Variants in ROBO2 observed in about 807,000 individuals in gnomAD.
ROBO2 encodes the protein roundabout guidance receptor 2.
Under a neutral mutation model 160.8 loss-of-function variants are expected in ROBO2, and 53 were observed. That is an observed-to-expected ratio of 0.33 (90% CI 0.26 to 0.41). The LOEUF (loss-of-function observed/expected upper bound fraction) is 0.41, where lower values mean the gene tolerates loss of function less well. ROBO2 is among the 10% of genes least tolerant of loss of function. ROBO2 has a pLI of 1.00. For synonymous variants in ROBO2, 664 were observed against 611.7 expected (o/e 1.09, Z -1.26); for missense variants, 1,577 against 1,722.4 (o/e 0.92, Z 1.49).
At chr3:76,165,121 C>T (rs1439365442) in intron 2 of ROBO2, among the ~76,000 whole-genome samples, 1 of 152,144 alleles carries the variant, frequency 6.6e-6, no homozygotes, top group African/African-American at 2.4e-5. Flanking sequence ...TGACTTTTCT[C>T]TATCTATGAA....
At chr3:76,168,959 T>C (rs2072935008) in intron 2 of ROBO2, among the ~76,000 whole-genome samples, 1 of 151,902 alleles carries the variant, frequency 6.6e-6, no homozygotes, top group Admixed American at 6.6e-5. Context: ...TTTATTTTCA[T>C]TGATTTCCTA....
At chr3:76,447,614 T>G (rs1013349001) in intron 2 of ROBO2, among the ~76,000 whole-genome samples, 2 of 150,106 alleles carry the variant, frequency 1.3e-5, no homozygotes, top group African/African-American at 4.9e-5. Context: ...GCGGCACTAT[T>G]CACAATAGCA....
At chr3:76,840,695 TATC>T (rs1368812657) in intron 2 of ROBO2, among the ~76,000 whole-genome samples, 1 of 147,830 alleles carries the variant, frequency 6.8e-6, no homozygotes, top group Non-Finnish European at 1.5e-5. Flanking sequence ...AAGAATATGT[TATC>T]ATGCAGAATT....
At chr3:77,353,022 C>G (rs969061687) in intron 2 of ROBO2, among the ~76,000 whole-genome samples, 9 of 152,122 alleles carry the variant, frequency 5.9e-5, no homozygotes, top group African/African-American at 2.2e-4. Context: ...ACAACTTATC[C>G]ACAGAATTAT....
At chr3:76,323,173 A>ACACC (rs1553705994) in intron 2 of ROBO2, among the ~76,000 whole-genome samples, 2 of 150,972 alleles carry the variant, frequency 1.3e-5, no homozygotes, top group African/African-American at 2.4e-5. Context: ...ACACACACAC[A>ACACC]CACCCCTAAA....
chr3:77,092,767 C>T (rs2070483846), intron 1 of ROBO2, among the ~76,000 whole-genome samples: 1 of 150,042 alleles, frequency 6.7e-6, no homozygotes, highest in Non-Finnish European at 1.5e-5. Flanking sequence ...TAGTTATTTT[C>T]ATACATCGCT....
intron 2 of ROBO2, among the ~76,000 whole-genome samples, chr3:76,353,580 C>T (rs2074998772): frequency 6.6e-6 from 1 of 151,814 alleles, no homozygotes; most frequent in Non-Finnish European, 1.5e-5. Flanking sequence ...AAAATTTAGG[C>T]AGACATCAAT....
intron 2 of ROBO2, among the ~76,000 whole-genome samples, chr3:76,798,323 G>T (rs145225960): frequency 8.4e-6 from 1 of 119,708 alleles, no homozygotes; most frequent in East Asian, 2.7e-4. Context: ...AAAAAAGAAC[G>T]AATGAACTAA....
chr3:77,312,578 T>C (rs1238575720), intron 2 of ROBO2, among the ~76,000 whole-genome samples: 1 of 152,228 alleles, frequency 6.6e-6, no homozygotes, highest in African/African-American at 2.4e-5. Flanking sequence ...GAAACCTATA[T>C]ATTTTTAAAT....
intron 2 of ROBO2, among the ~76,000 whole-genome samples, chr3:77,167,719 C>G (rs1560150653): frequency 6.6e-6 from 1 of 152,066 alleles, no homozygotes; most frequent in Non-Finnish European, 1.5e-5. Context: ...TACATTAGTA[C>G]TGTTACAAAG....
intron 5 of ROBO2, among the ~76,000 whole-genome samples, chr3:77,519,544 G>A (rs2090373812): frequency 1.3e-5 from 2 of 151,162 alleles, no homozygotes; most frequent in South Asian, 4.2e-4. Context: ...AGTGTCTATT[G>A]TTTCCATCTT....
intron 2 of ROBO2, among the ~76,000 whole-genome samples, chr3:76,637,032 C>T: frequency 6.6e-6 from 1 of 151,942 alleles, no homozygotes; most frequent in East Asian, 1.9e-4. Context: ...ACTGAGCAAG[C>T]AGCAAGGAAT....
At chr3:77,156,119 A>G (rs2077986213) in intron 2 of ROBO2, among the ~76,000 whole-genome samples, 1 of 151,874 alleles carries the variant, frequency 6.6e-6, no homozygotes, top group Non-Finnish European at 1.5e-5. Flanking sequence ...AAATTTCTTC[A>G]TCTCAACATC....
At chr3:76,842,948 ATTACAAG>A (rs140833942) in intron 2 of ROBO2, among the ~76,000 whole-genome samples, 15,729 of 152,008 alleles carry the variant, frequency 0.1, 877 homozygotes, top group South Asian at 0.12. Flanking sequence ...TAGTTATTTT[ATTACAAG>A]CCTTCTCATT....
intron 2 of ROBO2, among the ~76,000 whole-genome samples, chr3:76,204,015 C>A (rs538772417): frequency 1.3e-5 from 2 of 152,178 alleles, no homozygotes; most frequent in South Asian, 2.1e-4. Context: ...ATAAATTCTC[C>A]TCAGATTACC....
intron 2 of ROBO2, among the ~76,000 whole-genome samples, chr3:76,767,742 T>TAGTG (rs2061653394): frequency 1.3e-5 from 2 of 151,538 alleles, no homozygotes; most frequent in African/African-American, 2.4e-5. Flanking sequence ...ACATATTGTA[T>TAGTG]AGTGAGTACA....
In ROBO2 at chr3:77,141,475, G is replaced by A. The variant is rs576142615; in HGVS notation, c.388+43135G>A. On this transcript the variant is annotated intron_variant, in intron 2 of 25. Coordinates refer to ENST00000461745, the Ensembl canonical transcript of ROBO2. Reference sequence around the variant, plus strand: ...CAGTTGTTCACCTTCCATGATGCCCGTAAGAAGAGAGTCAAAGGCTGACAA... The same window carrying A: ...CAGTTGTTCACCTTCCATGATGCCCATAAGAAGAGAGTCAAAGGCTGACAA... Among the ~76,000 whole-genome samples, 22 of 152,212 alleles carry A rather than the reference G, an allele frequency of 1.4e-4. 1 individual carries two copies. The highest frequency in any genetic ancestry group is 2.4e-4 in the African/African-American group (10 of 41,542).
intron 1 of ROBO2, among the ~76,000 whole-genome samples, chr3:77,075,497 C>G (rs1272563113): frequency 2.0e-5 from 3 of 151,984 alleles, no homozygotes; most frequent in Non-Finnish European, 4.4e-5. Context: ...CTAGTAATCA[C>G]TATGGCAGGG....
intron 2 of ROBO2, among the ~76,000 whole-genome samples, chr3:77,021,061 T>G (rs1033261264): frequency 6.6e-6 from 1 of 151,760 alleles, no homozygotes; most frequent in Non-Finnish European, 1.5e-5. Flanking sequence ...TTTAAAAAAA[T>G]TATCTGGGTG....
Sources: allele counts gnomAD v4.1 joint callset (sites outside exome capture counted in the v4.1 genomes callset), GRCh38; gene constraint gnomAD v4.1.1; transcripts MANE v1.5; gene names NCBI Gene and HGNC (gene_info 2026-07-23, HGNC 2026-07-21).